The following OSMR variants were observed in gnomAD, a reference collection of about 807,000 sequenced individuals.
The protein encoded by OSMR is oncostatin-M-specific receptor subunit beta.
OSMR carries 81 observed loss-of-function variants against 99.9 expected under a neutral mutation model. The ratio of observed to expected loss-of-function variants is 0.81; its 90% CI spans 0.68 to 0.97. The LOEUF (loss-of-function observed/expected upper bound fraction) is 0.97, where lower values mean the gene tolerates loss of function less well. Ranked by LOEUF, OSMR falls within the 50% of genes least tolerant of loss-of-function variation. The probability of loss-of-function intolerance (pLI) is 0.00; values close to 1 mark genes in which losing one functional copy is unlikely to be tolerated. For missense variants in OSMR, 1,099 were observed against 1,153.4 expected (o/e 0.95, Z 0.68); for synonymous variants, 406 against 410.4 (o/e 0.99, Z 0.13).
chr5:38,884,247 G>A, intron 5 of OSMR, 136 bp downstream of exon 5: 1 of 797,142 alleles, frequency 1.3e-6, no homozygotes, highest in Non-Finnish European at 2.2e-6. Flanking sequence ...TCTAGGAGAG[G>A]CTCTGAAGTC....
chr5:38,945,447 T>A, downstream of OSMR: 1 of 1,297,738 alleles, frequency 7.7e-7, no homozygotes, highest in Non-Finnish European at 1.1e-6. Context: ...CAGAGAACTT[T>A]AGTCATCACT....
At chr5:38,870,229 T>C (rs1476616015) in intron 2 of OSMR, among the ~76,000 whole-genome samples, 1 of 152,178 alleles carries the variant, frequency 6.6e-6, no homozygotes, top group East Asian at 1.9e-4. Context: ...GGATTTCTCA[T>C]TTGTAGTATG....
intron 4 of OSMR, 194 bp from the exon 5 acceptor site, chr5:38,883,625 TCAGTGTAA>T: frequency 1.3e-6 from 1 of 793,818 alleles, no homozygotes; most frequent in Non-Finnish European, 1.5e-6. Context: ...AGCAGTGGTA[TCAGTGTAA>T]CAATAGGAGC....
In OSMR at chr5:38,847,101, A is replaced by C. The variant is rs182029659; in HGVS notation, c.-14+714A>C. ...TCAAGAGAAGTAAATGGAAGGGTCTATGAAGGCAGAGAAGATAGAATTGAA... is the reference window on the plus strand; with the variant it reads ...TCAAGAGAAGTAAATGGAAGGGTCTCTGAAGGCAGAGAAGATAGAATTGAA... On this transcript the variant is annotated intron_variant, in intron 1 of 17. Transcript: ENST00000274276. Among the ~76,000 whole-genome samples, 572 of 152,358 alleles carry C rather than the reference A, an allele frequency of 3.8e-3. 3 individuals are homozygous for C. The highest frequency in any genetic ancestry group is 0.018 in the South Asian group (86 of 4,830).
At position 38,931,412 on chromosome 5, in the gene OSMR, T is replaced by C. The variant is rs1416061538; in HGVS notation, c.2213-471T>C. ...GGGCTAAGGCTGAAGTCGCAGCAGC[T>C]ACCTGGGGCACACACTTCTCATGCT... On this transcript the variant is annotated intron_variant, in intron 15 of 17. Transcript: ENST00000274276. Among the ~76,000 whole-genome samples the C allele has an allele frequency of 2.0e-5, 3 of 152,198 alleles. No homozygotes were observed. In the East Asian group the frequency reaches 5.8e-4, roughly 29 times the overall value.
chr5:38,917,603 C>A lies in OSMR; in HGVS notation c.1343C>A (p.Thr448Asn), dbSNP rs971359882. ...RIVSLEPGNHTVTLFWKPLSK... is the reference protein window; with the variant it reads ...RIVSLEPGNHNVTLFWKPLSK... ...GTGAGCTTGGAGCCAGGAAATCATACTGTGACCTTATTCTGGAAGGTAAGA... is the reference window on the plus strand; with the variant it reads ...GTGAGCTTGGAGCCAGGAAATCATAATGTGACCTTATTCTGGAAGGTAAGA... The change falls in exon 10 of 18, where the codon ACT becomes AAT. Residue 448 changes from threonine (T) to asparagine (N), a missense_variant. Transcript: ENST00000274276. 8 of 1,613,122 alleles carry A rather than the reference C, an allele frequency of 5.0e-6. No individual in the cohort carries two copies. Among genetic ancestry groups the A allele is most frequent in the Non-Finnish European group, 6.8e-6 (8 of 1,179,120 alleles).
intron 1 of OSMR, among the ~76,000 whole-genome samples, chr5:38,859,713 T>C (rs1741126134): frequency 6.7e-6 from 1 of 149,678 alleles, no homozygotes; most frequent in Admixed American, 6.8e-5. Flanking sequence ...AACAATATTA[T>C]TTCTTCCAAT....
In OSMR at chr5:38,849,607, C is replaced by T. The variant is rs569531672; in HGVS notation, c.-14+3220C>T. On this transcript the variant is annotated intron_variant, in intron 1 of 17. Coordinates refer to ENST00000274276, the MANE Select transcript of OSMR (RefSeq NM_003999.3). The stretch of plus-strand genomic sequence containing the variant: ...ACATACATTTTCTCTTTACAAATAG[C>T]CTGTCAAGTTTAATAAAATCCTATT... 3.9e-5 allele frequency among the ~76,000 whole-genome samples: 6 copies of T among 152,136 alleles called. No individual in the cohort carries two copies. In the South Asian group the frequency reaches 8.3e-4, roughly 21 times the overall value.
intron 1 of OSMR, among the ~76,000 whole-genome samples, chr5:38,849,574 T>A (rs1293274362): frequency 1.3e-5 from 2 of 152,208 alleles, no homozygotes; most frequent in African/African-American, 4.8e-5. Context: ...CAACTTTTTT[T>A]ATAAATCACA....
At position 38,933,229 on chromosome 5, in the gene OSMR, C is replaced by T. The variant is rs370712721; in HGVS notation, c.2725C>T (p.Pro909Ser). 3.4e-5 allele frequency: 55 copies of T among 1,614,084 alleles called. No individual in the cohort carries two copies. The highest frequency in any genetic ancestry group is 5.0e-5 in the Admixed American group (3 of 60,018). Residue 909 changes from proline (P) to serine (S), a missense_variant, in exon 18 of 18, where the codon CCA (proline) becomes TCA (serine). By Grantham distance (74) the Pro-to-Ser change is moderately conservative. Transcript: ENST00000274276. The stretch of plus-strand genomic sequence containing the variant: ...CTACATGAACTCCCTGGGAGAAATC[C>T]CAGCTGGAGAAACAAGTTTGAATTA... ...KNYMNSLGEI[P>S]AGETSLNYVS... is the part of the protein sequence containing the mutation.
At chr5:38,906,579 G>A (rs892356529) in intron 9 of OSMR, among the ~76,000 whole-genome samples, 33 of 152,122 alleles carry the variant, frequency 2.2e-4, no homozygotes, top group African/African-American at 7.5e-4. Context: ...CTTAGATATT[G>A]TCCCTGAGTA....
At chr5:38,883,354 C>T (rs963132994) in intron 4 of OSMR, among the ~76,000 whole-genome samples, 1 of 152,284 alleles carries the variant, frequency 6.6e-6, no homozygotes, top group African/African-American at 2.4e-5. Flanking sequence ...GAAGAGATTA[C>T]GAGGGATTTT....
intron 9 of OSMR, among the ~76,000 whole-genome samples, chr5:38,904,934 T>C (rs955821488): frequency 2.0e-5 from 3 of 152,196 alleles, no homozygotes; most frequent in Non-Finnish European, 4.4e-5. Context: ...TGTGAGTCAT[T>C]TGTTCCGGTG....
At chr5:38,921,822 T>C (rs1181390383) in intron 12 of OSMR, 28 bp downstream of exon 12, 2 of 1,561,274 alleles carry the variant, frequency 1.3e-6, no homozygotes, top group Non-Finnish European at 1.8e-6. Flanking sequence ...TATCATCGCA[T>C]TGCTATATTC....
intron 9 of OSMR, among the ~76,000 whole-genome samples, chr5:38,909,872 T>C (rs995560367): frequency 6.6e-6 from 1 of 152,138 alleles, no homozygotes; most frequent in Non-Finnish European, 1.5e-5. Flanking sequence ...AATCCACACA[T>C]ACCAGTATTA....
chr5:38,918,657 C>T lies in OSMR; in HGVS notation c.1363-183C>T, dbSNP rs1746063357. The T allele has an allele frequency of 8.9e-6, 7 of 784,378 alleles. No individual in the cohort carries two copies. In the South Asian group the frequency reaches 4.1e-4, roughly 45 times the overall value. 48.6% of individuals were successfully genotyped at this position (784,378 alleles called of 1,614,324 possible). A position where few individuals can be genotyped will look rare whatever the true frequency, so the allele number is the denominator to read the frequency against. On this transcript the variant is annotated intron_variant, in intron 10 of 17. Transcript: ENST00000274276. ...AATGATCCTCTTCTCTACTCACCTT[C>T]AGTTAGATTTGAATGTCTGATTTCA...
chr5:38,881,572 T>G (rs1325034425), intron 3 of OSMR, 21 bp from the exon 4 acceptor site: 1 of 1,614,128 alleles, frequency 6.2e-7, no homozygotes, highest in African/African-American at 1.3e-5. Flanking sequence ...GTGTCTCCAA[T>G]TGTTTTCTCT....
rs551827249 is a variant in OSMR, at chr5:38,921,761, G to C, written c.1732G>C (p.Gly578Arg). 1 of 1,614,066 alleles carries C rather than the reference G, an allele frequency of 6.2e-7. No homozygotes were observed. Among genetic ancestry groups the C allele is most frequent in the Admixed American group, 1.7e-5 (1 of 60,012 alleles). The change falls in exon 12 of 18, where the codon GGT becomes CGT. Residue 578 changes from glycine to arginine, a missense_variant. Gly to Arg is a moderately radical substitution (Grantham distance 125). Coordinates refer to ENST00000274276, the MANE Select transcript of OSMR (RefSeq NM_003999.3). ...CGGTGATTTCCAGTGGAAGAATGTA[G>C]GTCCCAATACCACAAGCACAGTCAT... ...VLGDFQWKNV[G>R]PNTTSTVIST...
intron 7 of OSMR, among the ~76,000 whole-genome samples, chr5:38,893,863 G>T (rs959061961): frequency 2.0e-5 from 3 of 152,010 alleles, no homozygotes; most frequent in Non-Finnish European, 4.4e-5. Context: ...ACATCACTAG[G>T]GCATATAGGC....
Sources: gnomAD v4.1 joint callset for allele counts (sites outside exome capture counted in the v4.1 genomes callset) on GRCh38, gnomAD v4.1.1 for gene constraint, MANE v1.5 for transcripts, NCBI Gene and HGNC (gene_info 2026-07-23, HGNC 2026-07-21) for gene names.